TACC2: variants seen among roughly 807,000 people sequenced by gnomAD.
The protein encoded by TACC2 is transforming acidic coiled-coil containing protein 2, also known as transforming acidic coiled-coil-containing protein 2.
TACC2 carries 137 observed loss-of-function variants against 227.3 expected under a neutral mutation model. The ratio of observed to expected loss-of-function variants is 0.60; its 90% CI spans 0.52 to 0.69. The LOEUF (loss-of-function observed/expected upper bound fraction) is 0.69. TACC2 is among the 30% of genes least tolerant of loss of function. The pLI is 0.00. For missense variants in TACC2, 3,470 were observed against 3,694.4 expected, an observed-to-expected ratio of 0.94 and a Z score of 1.57; for synonymous variants, 1,523 against 1,487.5, an observed-to-expected ratio of 1.02 and a Z score of -0.55.
chr10:122,144,606 A>G (rs917348895), intron 7 of TACC2, among the ~76,000 whole-genome samples: 3 of 152,218 alleles, frequency 2.0e-5, no homozygotes, highest in Non-Finnish European at 4.4e-5. Context: ...CCCAAAGCGT[A>G]GACAACCAGC....
At chr10:122,184,679 G>A (rs1440534739) in intron 7 of TACC2, among the ~76,000 whole-genome samples, 1 of 152,212 alleles carries the variant, frequency 6.6e-6, no homozygotes, top group Non-Finnish European at 1.5e-5. Flanking sequence ...TTTTATGTGT[G>A]TGTGTCTGTA....
chr10:122,053,494 G>A (rs535278054), intron 3 of TACC2, among the ~76,000 whole-genome samples: 24 of 152,096 alleles, frequency 1.6e-4, no homozygotes, highest in Non-Finnish European at 2.6e-4. Context: ...CCAGAGCCTG[G>A]TGCATTGAGA....
intron 22 of TACC2, among the ~76,000 whole-genome samples, chr10:122,252,443 C>G (rs35127897): frequency 6.6e-6 from 1 of 151,402 alleles, no homozygotes; most frequent in South Asian, 2.1e-4. Context: ...GGAAGATCAC[C>G]GTTAGCAGCC....
rs530722699 is a variant in TACC2, at chr10:122,232,939, C to A, written c.8127+2499C>A. On this transcript the variant is annotated intron_variant, in intron 16 of 22. Transcript: ENST00000369005. Reference sequence around the variant, plus strand: ...GCTGTTGCTAGCACAAAGATGAAATCACTTGGAATGAAAAATATCATATTG... The same window carrying A: ...GCTGTTGCTAGCACAAAGATGAAATAACTTGGAATGAAAAATATCATATTG... 2.0e-5 allele frequency among the ~76,000 whole-genome samples: 3 copies of A among 152,256 alleles called. No homozygotes were observed. The East Asian group carries it at 5.8e-4, about 29-fold the overall frequency.
Position 122,100,133 on chromosome 10 carries a change from G to A in TACC2, c.5573+11542G>A, listed in dbSNP as rs868284780. 3.8e-4 allele frequency among the ~76,000 whole-genome samples: 58 copies of A among 152,162 alleles called. 1 individual carries two copies. Among genetic ancestry groups the A allele is most frequent in the Middle Eastern group, 3.4e-3 (1 of 294 alleles). On this transcript the variant is annotated intron_variant, in intron 5 of 22. Transcript: ENST00000369005. ...TACAAAATTAGCCAAGCGTGGTGGC[G>A]TGCGCCTGTAGTCCCTGCTGCTCGG...
intron 3 of TACC2, among the ~76,000 whole-genome samples, chr10:122,064,625 A>G (rs963898153): frequency 2.6e-5 from 4 of 152,248 alleles, no homozygotes; most frequent in Non-Finnish European, 4.4e-5. Flanking sequence ...TATCGTTTAC[A>G]TTAAAGTTCA....
Position 122,227,296 on chromosome 10 carries a change from G to T in TACC2, c.7725-541G>T, listed in dbSNP as rs546431208. Among the ~76,000 whole-genome samples the T allele has an allele frequency of 2.0e-5, 3 of 152,286 alleles. No individual in the cohort carries two copies. The East Asian group carries it at 5.8e-4, about 29-fold the overall frequency. On this transcript the variant is annotated intron_variant, in intron 13 of 22. Transcript: ENST00000369005. ...AAGTGTGGGCATTGCTGTGAGATTT[G>T]GACCAGCCTATTTTTGTCTGCCTGC...
chr10:121,998,663 C>T lies in TACC2; in HGVS notation c.-46+9175C>T, dbSNP rs545736405. Among the ~76,000 whole-genome samples the T allele has an allele frequency of 1.4e-4, 21 of 152,244 alleles. No individual in the cohort carries two copies. The South Asian group carries it at 3.3e-3, about 24-fold the overall frequency. Reference sequence around the variant, plus strand: ...GACCTAAAAAGGGGAAATTCTGCTCCACACTCAAGTCAGGGAACAGCCTCA... The same window carrying T: ...GACCTAAAAAGGGGAAATTCTGCTCTACACTCAAGTCAGGGAACAGCCTCA... On this transcript the variant is annotated intron_variant, in intron 1 of 22. Transcript: ENST00000369005.
intron 5 of TACC2, among the ~76,000 whole-genome samples, chr10:122,094,186 G>A (rs773601451): frequency 4.2e-4 from 64 of 152,320 alleles, no homozygotes; most frequent in South Asian, 1.4e-3. Flanking sequence ...CAGCCTTTAT[G>A]TGTTTCATAA....
Position 122,085,736 on chromosome 10 carries a change from C to G in TACC2, c.3236C>G (p.Thr1079Arg). 6.2e-7 allele frequency: 1 copy of G among 1,613,908 alleles called. No homozygotes were observed. The highest frequency in any genetic ancestry group is 1.3e-5 in the African/African-American group (1 of 75,052). The change falls in exon 4 of 23, where the codon ACA becomes AGA. Residue 1079 changes from threonine to arginine, a missense_variant. Around this residue, in one of 10 missense-constraint regions of TACC2, gnomAD observed 1,924 missense variants for 1,978.3 expected, o/e 0.97. Coordinates refer to ENST00000369005, the MANE Select transcript of TACC2 (RefSeq NM_206862.4). ...ACACCCACCCAGGATGCCCCAGAGA[C>G]AGAGGCATGTGATGAAACCCAGGAA... is the stretch of plus-strand genomic sequence containing the variant. ...GVTPTQDAPE[T>R]EACDETQEGR...
At chr10:122,207,924 T>C (rs564018500) in intron 8 of TACC2, among the ~76,000 whole-genome samples, 2 of 152,194 alleles carry the variant, frequency 1.3e-5, no homozygotes, top group East Asian at 3.9e-4. Context: ...CCAAGGCCCA[T>C]TTGAAAGCAC....
chr10:122,164,767 C>A (rs2093049934), intron 7 of TACC2, among the ~76,000 whole-genome samples: 1 of 152,164 alleles, frequency 6.6e-6, no homozygotes, highest in African/African-American at 2.4e-5. Flanking sequence ...GGCTTGTATC[C>A]AAAGTGGACC....
chr10:122,149,252 C>T lies in TACC2; in HGVS notation c.5834+5546C>T, dbSNP rs562839559. On this transcript the variant is annotated intron_variant, in intron 7 of 22. Coordinates refer to ENST00000369005, the MANE Select transcript of TACC2 (RefSeq NM_206862.4). ...CTGTTCAGAGTTGGCCTCTCACTCC[C>T]TGCTGCGGACAGCTGTCCCCTAGGA... is the stretch of plus-strand genomic sequence containing the variant. Among the ~76,000 whole-genome samples the T allele has an allele frequency of 3.9e-5, 6 of 152,342 alleles. No homozygotes were observed. The South Asian group carries it at 1.2e-3, about 32-fold the overall frequency.
chr10:122,086,282 C>G lies in TACC2; in HGVS notation c.3782C>G (p.Pro1261Arg), dbSNP rs750322048. ...GTGAAAGCTGTTTCCTCTGCAGACC[C>G]CAGAGCTCCTGGCGAAAGCCCCTGT... The part of the protein sequence containing the change: ...SGVKAVSSAD[P>R]RAPGESPCPV... The change falls in exon 4 of 23, where the codon CCC becomes CGC. Residue 1261 changes from proline to arginine, a missense_variant. Pro to Arg is a moderately radical substitution (Grantham distance 103). Around this residue, in one of 10 missense-constraint regions of TACC2, gnomAD observed 1,924 missense variants for 1,978.3 expected, o/e 0.97. Transcript: ENST00000369005. 1.2e-6 allele frequency: 2 copies of G among 1,614,038 alleles called. No individual in the cohort carries two copies. The highest frequency in any genetic ancestry group is 4.5e-5 in the East Asian group (2 of 44,886).
intron 3 of TACC2, among the ~76,000 whole-genome samples, chr10:122,053,240 A>G (rs921402538): frequency 6.6e-6 from 1 of 152,174 alleles, no homozygotes; most frequent in Non-Finnish European, 1.5e-5. Context: ...AGCAAGTCAC[A>G]TCTTATGTGG....
At chr10:122,248,930 T>C in intron 20 of TACC2, 120 bp from the exon 21 acceptor site, 1 of 1,495,846 alleles carries the variant, frequency 6.7e-7, no homozygotes, top group Non-Finnish European at 9.2e-7. Context: ...CCATGCAGGC[T>C]GGGGAGGCAG....
chr10:122,000,362 G>C (rs1010221235), intron 1 of TACC2, among the ~76,000 whole-genome samples: 5 of 152,056 alleles, frequency 3.3e-5, no homozygotes, highest in African/African-American at 4.8e-5. Context: ...CTGGGCGACA[G>C]AATGAGGCTC....
intron 2 of TACC2, chr10:122,023,119 C>T (rs1294395065): frequency 6.6e-6 from 1 of 152,042 alleles, no homozygotes; most frequent in African/African-American, 2.4e-5. Context: ...CTCCGTCTCC[C>T]CCCGGGTTCA....
intron 7 of TACC2, among the ~76,000 whole-genome samples, chr10:122,162,637 G>C (rs1018382436): frequency 1.3e-5 from 2 of 152,236 alleles, no homozygotes; most frequent in African/African-American, 2.4e-5. Context: ...CCAGTGAGGA[G>C]GCTCAGGATC....
Sources: gnomAD v4.1 joint callset for allele counts (sites outside exome capture counted in the v4.1 genomes callset) on GRCh38, gnomAD v4.1.1 for gene constraint, gnomAD v4.1.1 regional missense constraint, MANE v1.5 for transcripts, NCBI Gene and HGNC (gene_info 2026-07-23, HGNC 2026-07-21) for gene names.